BMP2K: variants seen among roughly 807,000 people sequenced by gnomAD.
BMP2K encodes BMP2 inducible kinase.
BMP2K carries 74 observed loss-of-function variants against 116.0 expected under a neutral mutation model. That is an observed-to-expected ratio of 0.64 (90% CI 0.53 to 0.77). The LOEUF (loss-of-function observed/expected upper bound fraction) is 0.77. Among genes scored for constraint, BMP2K ranks in the 30% least tolerant of loss-of-function variants. The pLI, the probability that BMP2K is intolerant of heterozygous loss-of-function variation, is 0.00. For missense variants in BMP2K, 1,365 were observed against 1,403.6 expected (o/e 0.97, Z 0.44); for synonymous variants, 486 against 502.5 (o/e 0.97, Z 0.44).
At chr4:78,880,503 G>A (rs1732843461) in intron 14 of BMP2K, among the ~76,000 whole-genome samples, 1 of 152,126 alleles carries the variant, frequency 6.6e-6, no homozygotes, top group African/African-American at 2.4e-5. Flanking sequence ...ATTTTCAACT[G>A]CTTAGGTAAA....
chr4:78,803,792 A>T (rs1728685997), intron 1 of BMP2K, among the ~76,000 whole-genome samples: 1 of 152,194 alleles, frequency 6.6e-6, no homozygotes, highest in Admixed American at 6.5e-5. Context: ...CTGTAGGGTG[A>T]GTTATGAACC....
chr4:78,776,405 C>G lies in BMP2K; in HGVS notation c.-139C>G, dbSNP rs914340410. 1.9e-5 allele frequency: 16 copies of G among 860,236 alleles called. No individual in the cohort carries two copies. The highest frequency in any genetic ancestry group is 3.6e-5 in the African/African-American group (2 of 54,946). 53.3% of individuals were successfully genotyped at this position (860,236 alleles called of 1,614,324 possible). A position where few individuals can be genotyped will look rare whatever the true frequency, so the allele number is the denominator to read the frequency against. On this transcript the variant is annotated 5_prime_UTR_variant, in exon 1 of 16. Transcript: ENST00000502613. ...GGGCCCAGGCTGTGCGCTTGGGGAGCGCGGAATGTGAGGCTTGGCGGGCCG... is the reference window on the plus strand; with the variant it reads ...GGGCCCAGGCTGTGCGCTTGGGGAGGGCGGAATGTGAGGCTTGGCGGGCCG...
At chr4:78,883,037 A>G (rs780569957) in intron 14 of BMP2K, among the ~76,000 whole-genome samples, 3 of 152,094 alleles carry the variant, frequency 2.0e-5, no homozygotes, top group Admixed American at 6.6e-5. Context: ...TTTGTAGACT[A>G]TTTTAATTTC....
At chr4:78,869,544 ATGACAATGCTTGCAG>A (rs1323278063) in intron 10 of BMP2K, among the ~76,000 whole-genome samples, 1 of 152,192 alleles carries the variant, frequency 6.6e-6, no homozygotes, top group Non-Finnish European at 1.5e-5. Context: ...ACACAAAAAA[ATGACAATGCTTGCAG>A]TGACCGTTTT....
chr4:78,847,609 T>TA (rs1731072097), intron 6 of BMP2K, among the ~76,000 whole-genome samples: 1 of 151,660 alleles, frequency 6.6e-6, no homozygotes, highest in Non-Finnish European at 1.5e-5. Flanking sequence ...ACATAACTCT[T>TA]AAGTAATTAC....
chr4:78,910,226 A>G (rs1734513237), intron 15 of BMP2K, among the ~76,000 whole-genome samples: 1 of 152,252 alleles, frequency 6.6e-6, no homozygotes, highest in Non-Finnish European at 1.5e-5. Flanking sequence ...GAGTTGAAAT[A>G]TAAGCAGGAG....
chr4:78,781,099 A>G (rs1332915801), intron 1 of BMP2K, among the ~76,000 whole-genome samples: 1 of 152,178 alleles, frequency 6.6e-6, no homozygotes, highest in Non-Finnish European at 1.5e-5. Context: ...TGTAAGAGAG[A>G]TCCAAGATGA....
At chr4:78,792,444 A>G (rs987755085) in intron 1 of BMP2K, among the ~76,000 whole-genome samples, 1 of 152,236 alleles carries the variant, frequency 6.6e-6, no homozygotes, top group African/African-American at 2.4e-5. Context: ...GTGACAAACT[A>G]TGATTATTCA....
In BMP2K at chr4:78,914,991, C is replaced by T. The variant is rs1033837307; in HGVS notation, c.*2958C>T. The T allele has an allele frequency of 6.6e-6, 1 of 151,796 alleles. No homozygotes were observed. The highest frequency in any genetic ancestry group is 6.6e-5 in the Admixed American group (1 of 15,232). 9.4% of individuals were successfully genotyped at this position (151,796 alleles called of 1,614,324 possible). A position where few individuals can be genotyped will look rare whatever the true frequency, so the allele number is the denominator to read the frequency against. ...AAAATGTTAGTATTAAAAAGATCAG[C>T]TTTTTATGGCATTGAAGAATGTATC... is the stretch of plus-strand genomic sequence containing the variant. On this transcript the variant is annotated 3_prime_UTR_variant, in exon 16 of 16. Coordinates refer to ENST00000502613, the MANE Select transcript of BMP2K (RefSeq NM_198892.2).
At position 78,871,848 on chromosome 4, in the gene BMP2K, A is replaced by G. The variant is rs749582689; in HGVS notation, c.1510-2A>G. 4.4e-6 allele frequency: 7 copies of G among 1,604,220 alleles called. No homozygotes were observed. Among genetic ancestry groups the G allele is most frequent in the Middle Eastern group, 1.6e-4 (1 of 6,064 alleles). On this transcript the variant is annotated splice_acceptor_variant, in intron 11 of 15. Coordinates refer to ENST00000502613, the MANE Select transcript of BMP2K (RefSeq NM_198892.2). LOFTEE classifies it high-confidence loss of function. The stretch of plus-strand genomic sequence containing the variant: ...TTTATTAATTTGATTTTCTCGTTGT[A>G]GTATCAACATGCAACACAGCAGCAA...
chr4:78,833,353 A>AAAATT (rs1730301658), intron 2 of BMP2K, among the ~76,000 whole-genome samples: 1 of 152,126 alleles, frequency 6.6e-6, no homozygotes. Flanking sequence ...TTCACAGTTC[A>AAAATT]ATTTAAAAAT....
intron 1 of BMP2K, among the ~76,000 whole-genome samples, chr4:78,778,593 C>T (rs1399517583): frequency 6.6e-6 from 1 of 152,122 alleles, no homozygotes; most frequent in Non-Finnish European, 1.5e-5. Context: ...GTTTTCTTTC[C>T]TTGTGTATTT....
chr4:78,890,391 T>TACACAATCATGCGCACACACAC, intron 15 of BMP2K, among the ~76,000 whole-genome samples: 1 of 142,682 alleles, frequency 7.0e-6, no homozygotes, highest in African/African-American at 3.0e-5. Flanking sequence ...GCCTCACACA[T>TACACAATCATGCGCACACACAC]ACACAATCAT....
At position 78,838,586 on chromosome 4, in the gene BMP2K, C is replaced by A. The variant is rs569054063; in HGVS notation, c.404-3799C>A. On this transcript the variant is annotated intron_variant, in intron 3 of 15. Transcript: ENST00000502613. Reference sequence around the variant, plus strand: ...ATTTGGAAGGGCAGAGAATAGAGGACTAAATACTCTCCACTTACTTCCTCT... The same window carrying A: ...ATTTGGAAGGGCAGAGAATAGAGGAATAAATACTCTCCACTTACTTCCTCT... Among the ~76,000 whole-genome samples the A allele has an allele frequency of 2.0e-5, 3 of 152,242 alleles. No individual in the cohort carries two copies. In the South Asian group the frequency reaches 6.2e-4, roughly 32 times the overall value.
chr4:78,776,537 C>G lies in BMP2K; in HGVS notation c.-7C>G, dbSNP rs1268588281. The G allele has an allele frequency of 1.8e-6, 2 of 1,135,474 alleles. No individual in the cohort carries two copies. The highest frequency in any genetic ancestry group is 2.2e-6 in the Non-Finnish European group (2 of 922,990). 70.3% of individuals were successfully genotyped at this position (1,135,474 alleles called of 1,614,324 possible). A position where few individuals can be genotyped will look rare whatever the true frequency, so the allele number is the denominator to read the frequency against. On this transcript the variant is annotated 5_prime_UTR_variant, in exon 1 of 16. Coordinates refer to ENST00000502613, the MANE Select transcript of BMP2K (RefSeq NM_198892.2). ...CTCCCTGCGCCCTCCAGCTCGCCGG[C>G]GGGACCATGAAGAAGTTCTCTCGGA... is the stretch of plus-strand genomic sequence containing the variant.
At chr4:78,908,648 G>C (rs58109910) in intron 15 of BMP2K, among the ~76,000 whole-genome samples, 18,017 of 152,082 alleles carry the variant, frequency 0.12, 1,356 homozygotes, top group East Asian at 0.42. Context: ...ATACCTAACT[G>C]CTGTACACTT....
At chr4:78,783,821 A>G (rs980259749) in intron 1 of BMP2K, among the ~76,000 whole-genome samples, 2 of 152,094 alleles carry the variant, frequency 1.3e-5, no homozygotes, top group Non-Finnish European at 2.9e-5. Context: ...AAATAAATAA[A>G]TAAATAAATA....
chr4:78,789,320 CTTTCT>C (rs1727891769), intron 1 of BMP2K, among the ~76,000 whole-genome samples: 1 of 152,082 alleles, frequency 6.6e-6, no homozygotes, highest in Admixed American at 6.6e-5. Flanking sequence ...GTTATGGCCT[CTTTCT>C]TTTATTTTTA....
chr4:78,896,479 G>C (rs2110087152), intron 15 of BMP2K, among the ~76,000 whole-genome samples: 1 of 152,158 alleles, frequency 6.6e-6, no homozygotes, highest in East Asian at 1.9e-4. Context: ...CTATAAAATG[G>C]GGGTAATAGT....
Sources: gnomAD v4.1 joint callset for allele counts (sites outside exome capture counted in the v4.1 genomes callset) on GRCh38, gnomAD v4.1.1 for gene constraint, MANE v1.5 for transcripts, NCBI Gene and HGNC (gene_info 2026-07-23, HGNC 2026-07-21) for gene names.